The following STX2 variants were observed in gnomAD, a reference collection of about 807,000 sequenced individuals.
STX2 encodes the protein syntaxin 2.
In STX2, 27 loss-of-function variants were observed where a neutral mutation model predicts 40.6. That is an observed-to-expected ratio of 0.66 (90% CI 0.49 to 0.92). The LOEUF (loss-of-function observed/expected upper bound fraction) is 0.92, where lower values mean the gene tolerates loss of function less well. STX2 is among the 40% of genes least tolerant of loss of function. The pLI is 0.00. For missense variants in STX2, 328 were observed against 366.1 expected (o/e 0.90, Z 0.85); for synonymous variants, 123 against 119.1 (o/e 1.03, Z -0.22).
chr12:130,812,673 G>T, intron 4 of STX2: 1 of 332,384 alleles, frequency 3.0e-6, no homozygotes, highest in South Asian at 3.7e-5. Context: ...AAAGAAATGA[G>T]CAATTAAAGG....
chr12:130,818,199 T>A (rs1412515314), intron 3 of STX2, among the ~76,000 whole-genome samples: 2,093 of 109,610 alleles, frequency 0.019, 111 homozygotes, highest in African/African-American at 0.027. Context: ...TATATATATA[T>A]ATATATATAT....
rs371302031 is a variant in STX2 at position 130,816,236 on chromosome 12, C to T, written c.206-3205G>A. ...GACTCGGGAGACGGTCTTGAGCCAC[C>T]GCGCAGCCACAGAAACCACAAGATC... On this transcript the variant is annotated intron_variant, in intron 3 of 10. Coordinates refer to ENST00000392373, the MANE Select transcript of STX2 (RefSeq NM_194356.4). Among the ~76,000 whole-genome samples, 29 of 152,318 alleles carry T rather than the reference C, an allele frequency of 1.9e-4. 1 individual carries two copies. In the East Asian group the frequency reaches 2.5e-3, roughly 13 times the overall value.
In STX2 at chr12:130,805,979, C is replaced by T. The variant is rs558882869; in HGVS notation, c.463+1003G>A. Among the ~76,000 whole-genome samples the T allele has an allele frequency of 2.6e-5, 4 of 152,244 alleles. No individual in the cohort carries two copies. The East Asian group carries it at 7.7e-4, about 29-fold the overall frequency. On this transcript the variant is annotated intron_variant, in intron 6 of 10. Transcript: ENST00000392373. ...TGCGTCCCAGTTGTACAGTGGGGAG[C>T]AACACAGCAGACATGTAAAACACCC...
At chr12:130,802,030 TG>T (rs1951247245) in intron 6 of STX2, among the ~76,000 whole-genome samples, 1 of 152,162 alleles carries the variant, frequency 6.6e-6, no homozygotes, top group African/African-American at 2.4e-5. Context: ...CAAAAGTAAA[TG>T]AATAAATGTC....
intron 3 of STX2, among the ~76,000 whole-genome samples, chr12:130,814,006 C>G (rs561085462): frequency 6.6e-6 from 1 of 152,312 alleles, no homozygotes; most frequent in South Asian, 2.1e-4. Flanking sequence ...CTCTTCCTGA[C>G]ACCCCCTCAG....
intron 5 of STX2, among the ~76,000 whole-genome samples, chr12:130,807,728 T>C (rs1222517691): frequency 6.6e-6 from 1 of 152,246 alleles, no homozygotes; most frequent in Non-Finnish European, 1.5e-5. Context: ...TAGAACTCTG[T>C]TGATGGACCG....
chr12:130,812,636 C>G (rs111810019), intron 4 of STX2: 95 of 279,472 alleles, frequency 3.4e-4, no homozygotes, highest in African/African-American at 1.9e-3. Context: ...TGCCAAACAT[C>G]ATCGAATAAA....
chr12:130,804,922 G>A (rs1951372338), intron 6 of STX2, among the ~76,000 whole-genome samples: 1 of 152,222 alleles, frequency 6.6e-6, no homozygotes, highest in African/African-American at 2.4e-5. Context: ...GGGAAAGAGA[G>A]AAGAGACTTA....
At chr12:130,832,544 A>C (rs1039455989) in intron 1 of STX2, among the ~76,000 whole-genome samples, 3 of 152,154 alleles carry the variant, frequency 2.0e-5, no homozygotes, top group Non-Finnish European at 4.4e-5. Flanking sequence ...GCACATGGAC[A>C]TGAGACACTG....
chr12:130,812,863 T>C (rs1951712657), intron 4 of STX2, 94 bp downstream of exon 4: 1 of 887,164 alleles, frequency 1.1e-6, no homozygotes, highest in East Asian at 2.6e-5. Flanking sequence ...ATTTTAATTT[T>C]TAAAAATGTA....
intron 10 of STX2, among the ~76,000 whole-genome samples, chr12:130,792,294 C>T (rs905463810): frequency 1.3e-5 from 2 of 152,114 alleles, no homozygotes; most frequent in Admixed American, 6.6e-5. Flanking sequence ...CTCTTGACTT[C>T]GTGATCCACC....
intron 6 of STX2, among the ~76,000 whole-genome samples, chr12:130,805,719 C>A (rs1483057973): frequency 6.6e-6 from 1 of 152,168 alleles, no homozygotes; most frequent in African/African-American, 2.4e-5. Flanking sequence ...AAACCATGCT[C>A]ATGTGATTTA....
chr12:130,811,864 T>C (rs1951672645), intron 4 of STX2, among the ~76,000 whole-genome samples: 1 of 152,142 alleles, frequency 6.6e-6, no homozygotes, highest in South Asian at 2.1e-4. Flanking sequence ...AACGTAACCA[T>C]GAGGACATAA....
intron 3 of STX2, among the ~76,000 whole-genome samples, chr12:130,814,295 T>C (rs951135071): frequency 1.3e-5 from 2 of 151,900 alleles, no homozygotes; most frequent in African/African-American, 4.8e-5. Context: ...GAAGCGCCAA[T>C]GCCACGCAGA....
intron 1 of STX2, among the ~76,000 whole-genome samples, chr12:130,828,468 G>C (rs1401666365): frequency 7.2e-6 from 1 of 139,566 alleles, no homozygotes; most frequent in Non-Finnish European, 1.5e-5. Context: ...TCGAACTCCT[G>C]AGCTCATGCA....
At chr12:130,835,454 T>C (rs1446314233) in intron 1 of STX2, among the ~76,000 whole-genome samples, 1 of 114,762 alleles carries the variant, frequency 8.7e-6, no homozygotes, top group African/African-American at 2.6e-5. Flanking sequence ...TTCTCTATTC[T>C]TCACTATAAT....
intron 4 of STX2, chr12:130,812,487 T>C (rs1156522398): frequency 2.9e-6 from 1 of 347,664 alleles, no homozygotes; most frequent in African/African-American, 2.2e-5. Context: ...GAGATTGTTT[T>C]TGATCTTGAT....
intron 1 of STX2, among the ~76,000 whole-genome samples, 177 bp from the exon 2 acceptor site, chr12:130,827,444 C>A (rs1952365762): frequency 6.6e-6 from 1 of 152,186 alleles, no homozygotes; most frequent in Admixed American, 6.5e-5. Context: ...ATTTTCAACA[C>A]AACAGATCCT....
chr12:130,821,993 A>G (rs1952134106), intron 2 of STX2, among the ~76,000 whole-genome samples: 1 of 152,234 alleles, frequency 6.6e-6, no homozygotes, highest in Admixed American at 6.5e-5. Flanking sequence ...CTAAAGCAGT[A>G]CCAATCAACA....
Sources: gnomAD v4.1 joint callset for allele counts (sites outside exome capture counted in the v4.1 genomes callset) on GRCh38, gnomAD v4.1.1 for gene constraint, MANE v1.5 for transcripts, NCBI Gene and HGNC (gene_info 2026-07-23, HGNC 2026-07-21) for gene names.